Variants in LHFPL3 observed in about 807,000 individuals in gnomAD.
LHFPL3 encodes LHFPL tetraspan subfamily member 3, also known as LHFPL tetraspan subfamily member 3 protein.
Under a neutral mutation model 19.3 loss-of-function variants are expected in LHFPL3, and 5 were observed. That is an observed-to-expected ratio of 0.26 (90% CI 0.14 to 0.54). LHFPL3 has a LOEUF of 0.54. Ranked by LOEUF, LHFPL3 falls within the 20% of genes least tolerant of loss-of-function variation. The probability of loss-of-function intolerance (pLI) is 0.94; values close to 1 mark genes in which losing one functional copy is unlikely to be tolerated. For missense variants in LHFPL3, 249 were observed against 307.4 expected (o/e 0.81, Z 1.42); for synonymous variants, 133 against 126.2 (o/e 1.05, Z -0.36).
chr7:104,767,154 T>A (rs1794469420), intron 2 of LHFPL3, among the ~76,000 whole-genome samples: 1 of 152,194 alleles, frequency 6.6e-6, no homozygotes, highest in Non-Finnish European at 1.5e-5. Flanking sequence ...AAAGTAACCA[T>A]TATTTACAGA....
chr7:104,503,430 A>G (rs1002904809), intron 1 of LHFPL3, among the ~76,000 whole-genome samples: 1 of 152,202 alleles, frequency 6.6e-6, no homozygotes, highest in Non-Finnish European at 1.5e-5. Context: ...TAGATTTTCT[A>G]CAATGAATGT....
intron 1 of LHFPL3, among the ~76,000 whole-genome samples, chr7:104,445,852 A>G (rs1204475235): frequency 6.6e-6 from 1 of 152,162 alleles, no homozygotes; most frequent in Non-Finnish European, 1.5e-5. Context: ...CCTGCATGCT[A>G]ATAGCAGAGA....
At chr7:104,764,142 A>C (rs1045656960) in intron 2 of LHFPL3, among the ~76,000 whole-genome samples, 1 of 152,146 alleles carries the variant, frequency 6.6e-6, no homozygotes, top group East Asian at 1.9e-4. Flanking sequence ...ACTTGCCCAG[A>C]AATGATGGAC....
intron 1 of LHFPL3, among the ~76,000 whole-genome samples, chr7:104,522,028 C>T (rs1794073914): frequency 6.6e-6 from 1 of 151,992 alleles, no homozygotes; most frequent in African/African-American, 2.4e-5. Flanking sequence ...CCAGCCATCC[C>T]ATTACTGGGT....
Position 104,454,453 on chromosome 7 carries a change from G to T in LHFPL3, c.445+125229G>T, listed in dbSNP as rs886503911. ...ATTAGGATTCTGCTAGTCCCTACTT[G>T]AGTTAGTACATCCTTGCCTGCCACA... On this transcript the variant is annotated intron_variant, in intron 1 of 2. Transcript: ENST00000424859. 1.3e-4 allele frequency among the ~76,000 whole-genome samples: 20 copies of T among 152,232 alleles called. No homozygotes were observed. In the East Asian group the frequency reaches 3.9e-3, roughly 29 times the overall value.
intron 1 of LHFPL3, among the ~76,000 whole-genome samples, chr7:104,360,945 C>A (rs1000372491): frequency 1.1e-4 from 16 of 152,054 alleles, no homozygotes; most frequent in Admixed American, 3.3e-4. Flanking sequence ...CATGCAAAAG[C>A]GGAGCTAAGA....
intron 1 of LHFPL3, among the ~76,000 whole-genome samples, chr7:104,344,254 ATTAT>A (rs1790021078): frequency 6.6e-6 from 1 of 152,098 alleles, no homozygotes; most frequent in African/African-American, 2.4e-5. Flanking sequence ...TATTTTATTT[ATTAT>A]TTTTAATTTT....
intron 1 of LHFPL3, among the ~76,000 whole-genome samples, chr7:104,394,848 C>T (rs982823506): frequency 7.9e-5 from 12 of 151,896 alleles, no homozygotes; most frequent in Non-Finnish European, 1.3e-4. Flanking sequence ...TTACAGGCAC[C>T]CACCACCGCG....
At chr7:104,884,321 C>T (rs1334735827) in intron 2 of LHFPL3, among the ~76,000 whole-genome samples, 1 of 152,130 alleles carries the variant, frequency 6.6e-6, no homozygotes, top group East Asian at 1.9e-4. Context: ...GTTTTGGCAG[C>T]TTGCCAAGCA....
chr7:104,607,632 A>C (rs891590596), intron 1 of LHFPL3, among the ~76,000 whole-genome samples: 2 of 152,248 alleles, frequency 1.3e-5, no homozygotes, highest in African/African-American at 2.4e-5. Context: ...GCAACAAAAG[A>C]CAAAATTGAC....
chr7:104,904,390 C>T (rs1792555514), intron 2 of LHFPL3, among the ~76,000 whole-genome samples: 1 of 152,198 alleles, frequency 6.6e-6, no homozygotes, highest in Non-Finnish European at 1.5e-5. Context: ...GTGGCTCATG[C>T]CTATAATCCC....
rs75978249 is a variant in LHFPL3, at chr7:104,711,711, A to G, written c.446-24964A>G. ...AATAAGATCAAATTTTGGTCCCAAC[A>G]GGAAACCATAAAACTAATCAAGAAA... On this transcript the variant is annotated intron_variant, in intron 1 of 2. Coordinates refer to ENST00000424859, the MANE Select transcript of LHFPL3 (RefSeq NM_199000.3). Among the ~76,000 whole-genome samples the G allele has an allele frequency of 1.8e-3, 271 of 152,310 alleles. 1 individual carries two copies. Among genetic ancestry groups the G allele is most frequent in the African/African-American group, 6.2e-3 (258 of 41,582 alleles).
intron 2 of LHFPL3, among the ~76,000 whole-genome samples, chr7:104,904,988 C>T (rs900911895): frequency 2.0e-5 from 3 of 152,184 alleles, no homozygotes; most frequent in African/African-American, 7.2e-5. Context: ...GAGGGTCTTA[C>T]TCTGTCACCC....
intron 1 of LHFPL3, among the ~76,000 whole-genome samples, chr7:104,511,638 T>A (rs1346430375): frequency 6.6e-6 from 1 of 152,118 alleles, no homozygotes; most frequent in Non-Finnish European, 1.5e-5. Context: ...GCTTATTAGT[T>A]TGAAGGAGCA....
rs187407519 is a variant in LHFPL3 at position 104,444,880 on chromosome 7, C to T, written c.445+115656C>T. On this transcript the variant is annotated intron_variant, in intron 1 of 2. Transcript: ENST00000424859. The stretch of plus-strand genomic sequence containing the variant: ...GCGCATGTCTGTAATCCCAGCTACA[C>T]GGGAGGCTAAGGCAGGAGAATCGCT... Among the ~76,000 whole-genome samples the T allele has an allele frequency of 1.6e-4, 25 of 151,952 alleles. No homozygotes were observed. In the East Asian group the frequency reaches 3.1e-3, roughly 19 times the overall value.
chr7:104,388,327 G>T (rs1189300075), intron 1 of LHFPL3, among the ~76,000 whole-genome samples: 1 of 152,120 alleles, frequency 6.6e-6, no homozygotes, highest in East Asian at 1.9e-4. Flanking sequence ...TGAGTCAAAG[G>T]TAATTCTGTT....
chr7:104,745,130 C>G (rs942258382), intron 2 of LHFPL3, among the ~76,000 whole-genome samples: 4 of 149,934 alleles, frequency 2.7e-5, no homozygotes, highest in African/African-American at 1.0e-4. Flanking sequence ...CAAAGCAGAC[C>G]CTGGTGGTTG....
At position 104,541,184 on chromosome 7, in the gene LHFPL3, G is replaced by C. The variant is rs1184124810; in HGVS notation, c.446-195491G>C. The stretch of plus-strand genomic sequence containing the variant: ...TAACTCCTTCAGTTCCAAAGGGAGA[G>C]CTTCTCTGATCTCCAAGGCTGAATG... On this transcript the variant is annotated intron_variant, in intron 1 of 2. Transcript: ENST00000424859. Among the ~76,000 whole-genome samples, 4 of 151,390 alleles carry C rather than the reference G, an allele frequency of 2.6e-5. No homozygotes were observed. The East Asian group carries it at 7.8e-4, about 29-fold the overall frequency.
At chr7:104,434,387 G>A (rs542985574) in intron 1 of LHFPL3, among the ~76,000 whole-genome samples, 1 of 152,348 alleles carries the variant, frequency 6.6e-6, no homozygotes, top group East Asian at 1.9e-4. Flanking sequence ...GAAATTGTAT[G>A]CAAAAGTTTT....
Sources: allele counts gnomAD v4.1 joint callset (sites outside exome capture counted in the v4.1 genomes callset), GRCh38; gene constraint gnomAD v4.1.1; transcripts MANE v1.5; gene names NCBI Gene and HGNC (gene_info 2026-07-23, HGNC 2026-07-21).